ATF6: variants seen among roughly 807,000 people sequenced by gnomAD.
ATF6 encodes the protein activating transcription factor 6.
A neutral mutation model predicts 83.6 loss-of-function variants in ATF6; 53 were observed. The ratio of observed to expected loss-of-function variants is 0.63; its 90% confidence interval spans 0.51 to 0.80. ATF6 has a LOEUF of 0.80. ATF6 is among the 30% of genes least tolerant of loss of function. The probability of loss-of-function intolerance (pLI) is 0.00; values close to 1 mark genes in which losing one functional copy is unlikely to be tolerated. For synonymous variants in ATF6, 288 were observed against 285.8 expected, an observed-to-expected ratio of 1.01 and a Z score of -0.08; for missense variants, 744 against 797.9, an observed-to-expected ratio of 0.93 and a Z score of 0.81.
In ATF6 at chr1:161,784,063, A is replaced by G. The variant is rs1684694381; in HGVS notation, c.321A>G (p.Ser107=). Residue 107 remains serine (S), a synonymous_variant, in exon 4 of 16, where the codon TCA becomes TCG. Coordinates refer to ENST00000367942, the MANE Select transcript of ATF6 (RefSeq NM_007348.4). ...SSSYSVSSPR[S]VDSYSSTQHV... ...GTTATTCAGTCTCGTCTCCTCGGTCAGTGGACTCTTATTCTTCAACTCAGC... is the reference window on the plus strand; with the variant it reads ...GTTATTCAGTCTCGTCTCCTCGGTCGGTGGACTCTTATTCTTCAACTCAGC... 7 of 1,613,676 alleles carry G rather than the reference A, an allele frequency of 4.3e-6. No individual in the cohort carries two copies. The East Asian group carries it at 1.3e-4, about 31-fold the overall frequency.
intron 15 of ATF6, among the ~76,000 whole-genome samples, chr1:161,918,607 G>A (rs191370942): frequency 6.6e-6 from 1 of 152,174 alleles, no homozygotes; most frequent in Non-Finnish European, 1.5e-5. Flanking sequence ...TTTATTGAAA[G>A]AGCAGAGACA....
chr1:161,916,429 A>G (rs1244125504), intron 15 of ATF6, among the ~76,000 whole-genome samples: 1 of 152,214 alleles, frequency 6.6e-6, no homozygotes, highest in African/African-American at 2.4e-5. Context: ...TTGAGAGTGA[A>G]TTGCAGATAA....
At chr1:161,914,594 A>G (rs1688053590) in intron 15 of ATF6, among the ~76,000 whole-genome samples, 2 of 151,794 alleles carry the variant, frequency 1.3e-5, no homozygotes, top group Non-Finnish European at 2.9e-5. Flanking sequence ...CAACAGCAGC[A>G]CTCTCTTTGA....
At chr1:161,888,954 G>A (rs1259810056) in intron 14 of ATF6, among the ~76,000 whole-genome samples, 4 of 151,920 alleles carry the variant, frequency 2.6e-5, no homozygotes, top group African/African-American at 4.8e-5. Flanking sequence ...TACCTCCACC[G>A]CATATACAAC....
chr1:161,922,063 CTCT>C (rs1571239039), intron 15 of ATF6, among the ~76,000 whole-genome samples: 2 of 152,072 alleles, frequency 1.3e-5, no homozygotes, highest in East Asian at 3.9e-4. Flanking sequence ...GAGATTATTC[CTCT>C]TGTCTATATT....
At chr1:161,894,882 A>G (rs1426185377) in intron 14 of ATF6, among the ~76,000 whole-genome samples, 1 of 151,444 alleles carries the variant, frequency 6.6e-6, no homozygotes, top group Non-Finnish European at 1.5e-5. Context: ...TTACATATTT[A>G]TATAGAATTC....
At chr1:161,865,529 G>A (rs1686978668) in intron 14 of ATF6, among the ~76,000 whole-genome samples, 1 of 152,142 alleles carries the variant, frequency 6.6e-6, no homozygotes, top group Non-Finnish European at 1.5e-5. Flanking sequence ...TATATGCATT[G>A]CATTTTTTTG....
At chr1:161,850,265 C>T (rs1384904211) in intron 10 of ATF6, among the ~76,000 whole-genome samples, 1 of 151,896 alleles carries the variant, frequency 6.6e-6, no homozygotes, top group Non-Finnish European at 1.5e-5. Context: ...GATTCCTTTC[C>T]AGCCTCATCC....
At chr1:161,879,518 T>C (rs146488008) in intron 14 of ATF6, among the ~76,000 whole-genome samples, 130 of 152,202 alleles carry the variant, frequency 8.5e-4, no homozygotes, top group African/African-American at 3.0e-3. Context: ...AAGGTAAATA[T>C]AGGGTGTCAT....
intron 14 of ATF6, among the ~76,000 whole-genome samples, chr1:161,887,817 G>C (rs1356501600): frequency 1.3e-5 from 2 of 152,184 alleles, no homozygotes; most frequent in Admixed American, 6.5e-5. Flanking sequence ...TGGTGTGTCA[G>C]TTATTGGCAC....
intron 14 of ATF6, among the ~76,000 whole-genome samples, chr1:161,899,316 A>C (rs1440308588): frequency 6.6e-6 from 1 of 152,112 alleles, no homozygotes; most frequent in South Asian, 2.1e-4. Flanking sequence ...GAATCTTTAC[A>C]CTCTACAAGC....
At chr1:161,814,461 C>T (rs1322003974) in intron 7 of ATF6, among the ~76,000 whole-genome samples, 1 of 152,186 alleles carries the variant, frequency 6.6e-6, no homozygotes, top group Non-Finnish European at 1.5e-5. Context: ...TATCTGTTCT[C>T]ATTCTGGAAA....
intron 9 of ATF6, among the ~76,000 whole-genome samples, chr1:161,838,082 ACT>A (rs1438882467): frequency 3.3e-5 from 5 of 152,152 alleles, no homozygotes; most frequent in Non-Finnish European, 7.3e-5. Context: ...GACTTTAGTA[ACT>A]CTGCCCGTTT....
chr1:161,897,791 G>A (rs746520089), intron 14 of ATF6, among the ~76,000 whole-genome samples: 1 of 152,186 alleles, frequency 6.6e-6, no homozygotes, highest in Non-Finnish European at 1.5e-5. Context: ...CTTACGTGTT[G>A]AGTGATAATA....
At chr1:161,782,761 G>A (rs771965038) in intron 3 of ATF6, among the ~76,000 whole-genome samples, 1 of 151,560 alleles carries the variant, frequency 6.6e-6, no homozygotes, top group Non-Finnish European at 1.5e-5. Context: ...TTCATAGAAT[G>A]TGGGATACAC....
At chr1:161,787,839 A>G (rs906052272) in intron 4 of ATF6, among the ~76,000 whole-genome samples, 1 of 152,190 alleles carries the variant, frequency 6.6e-6, no homozygotes, top group Non-Finnish European at 1.5e-5. Flanking sequence ...TTTCAATTAT[A>G]TGCATGTATT....
intron 13 of ATF6, 35 bp from the exon 14 acceptor site, chr1:161,863,163 T>C: frequency 7.7e-7 from 1 of 1,301,554 alleles, no homozygotes; most frequent in South Asian, 1.4e-5. Flanking sequence ...GGAAACTTTT[T>C]ATTTTAGTAA....
intron 15 of ATF6, among the ~76,000 whole-genome samples, chr1:161,941,005 G>A (rs1688632738): frequency 2.6e-5 from 4 of 152,188 alleles, no homozygotes; most frequent in Non-Finnish European, 5.9e-5. Context: ...CTAGATGCAA[G>A]TGCCTTGGTC....
chr1:161,825,302 G>A (rs577356470), intron 9 of ATF6, among the ~76,000 whole-genome samples: 7 of 152,178 alleles, frequency 4.6e-5, no homozygotes, highest in Non-Finnish European at 8.8e-5. Flanking sequence ...TTGGCCTTCC[G>A]AAGTGCTGGG....
Sources: allele counts gnomAD v4.1 joint callset (sites outside exome capture counted in the v4.1 genomes callset), GRCh38; gene constraint gnomAD v4.1.1; transcripts MANE v1.5; gene names NCBI Gene and HGNC (gene_info 2026-07-23, HGNC 2026-07-21).